Variants in SZT2 observed in about 807,000 individuals in gnomAD.
SZT2 encodes SZT2 subunit of KICSTOR complex.
SZT2 carries 216 observed loss-of-function variants against 404.2 expected under a neutral mutation model. The ratio of observed to expected loss-of-function variants is 0.53; its 90% confidence interval spans 0.48 to 0.60. The LOEUF is 0.60. Among genes scored for constraint, SZT2 ranks in the 20% least tolerant of loss-of-function variants. The probability of loss-of-function intolerance (pLI) is 0.00; values close to 1 mark genes in which losing one functional copy is unlikely to be tolerated. For missense variants in SZT2, 3,857 were observed against 4,459.2 expected, an observed-to-expected ratio of 0.86 and a Z score of 3.85; for synonymous variants, 1,693 against 1,749.9, an observed-to-expected ratio of 0.97 and a Z score of 0.81.
At position 43,442,221 on chromosome 1, in the gene SZT2, G is replaced by A. The variant is rs770240266; in HGVS notation, c.7874-47G>A. On this transcript the variant is annotated intron_variant, in intron 56 of 71. Coordinates refer to ENST00000634258, the MANE Select transcript of SZT2 (RefSeq NM_001365999.1). The surrounding 1 kb of genome is among the most constrained non-coding windows in gnomAD (Gnocchi z 4.5). ...TTGCAGAGGGGAGGGTGGGATCAAG[G>A]GGGATCTGTTCCCAGGCCCCTATTG... 7.5e-6 allele frequency: 12 copies of A among 1,602,926 alleles called. No individual in the cohort carries two copies. The highest frequency in any genetic ancestry group is 8.5e-7 in the Non-Finnish European group (1 of 1,174,072).
In SZT2 at chr1:43,427,086, C is replaced by G; in HGVS notation, c.3340C>G (p.Leu1114Val). The G allele has an allele frequency of 6.2e-7, 1 of 1,613,928 alleles. No individual in the cohort carries two copies. The highest frequency in any genetic ancestry group is 8.5e-7 in the Non-Finnish European group (1 of 1,179,972). The change falls in exon 24 of 72, where the codon CTC (leucine) becomes GTC (valine). Residue 1114 changes from leucine to valine, a missense_variant. Transcript: ENST00000634258. ...AGGTCTTCCTGAAACTCTCAAGCCT[C>G]TCATCTCTGCCCAGCCCCCTCAGTG... ...SVGLPETLKP[L>V]ISAQPPQWRC... is the part of the protein sequence containing the mutation.
chr1:43,452,410 T>C lies in SZT2; in HGVS notation c.*1930T>C, dbSNP rs756831144. The C allele has an allele frequency of 9.1e-6, 9 of 992,824 alleles. No individual in the cohort carries two copies. The highest frequency in any genetic ancestry group is 4.8e-5 in the African/African-American group (3 of 62,088). The allele number at this position is 992,824 out of a possible 1,614,324, so 61.5% of individuals were successfully genotyped here. On this transcript the variant is annotated 3_prime_UTR_variant, in exon 72 of 72. Transcript: ENST00000634258. ...CTGACTGTGCCAGCCCTCGTCCGTC[T>C]CCCCAGGTCTCCAGTCCATGGCACC...
At chr1:43,403,036 G>T in intron 1 of SZT2, 141 bp from the exon 2 acceptor site, 1 of 854,050 alleles carries the variant, frequency 1.2e-6, no homozygotes, top group South Asian at 1.7e-5. Flanking sequence ...TTGCATGGAG[G>T]TTGGGGTAAA....
intron 4 of SZT2, chr1:43,410,313 G>T (rs1650854353): frequency 6.6e-6 from 1 of 152,060 alleles, no homozygotes; most frequent in Non-Finnish European, 1.5e-5. Context: ...AACACTTTGG[G>T]AGGCCAAGGC....
intron 7 of SZT2, among the ~76,000 whole-genome samples, chr1:43,417,810 AATT>A (rs1283656717): frequency 6.6e-6 from 1 of 152,178 alleles, no homozygotes; most frequent in African/African-American, 2.4e-5. Context: ...TACAGATGGT[AATT>A]GAGAACAGAA....
intron 64 of SZT2, 24 bp from the exon 65 acceptor site, chr1:43,446,318 A>C: frequency 1.2e-6 from 2 of 1,614,172 alleles, no homozygotes; most frequent in Non-Finnish European, 1.7e-6. Context: ...CGCCTTCCTG[A>C]TCTCATCTTC....
intron 1 of SZT2, among the ~76,000 whole-genome samples, chr1:43,400,585 G>C (rs1649559695): frequency 6.6e-6 from 1 of 152,108 alleles, no homozygotes; most frequent in African/African-American, 2.4e-5. Flanking sequence ...TAAAAAACTT[G>C]TATAGGGCAG....
At chr1:43,409,132 C>T (rs1445704551) in intron 4 of SZT2, among the ~76,000 whole-genome samples, 2 of 152,110 alleles carry the variant, frequency 1.3e-5, no homozygotes, top group Admixed American at 1.3e-4. Flanking sequence ...AGATTAGCTA[C>T]AGGGAAAAAG....
chr1:43,447,843 GCA>G lies in SZT2; in HGVS notation c.9441-3_9441-2del, dbSNP rs780940687. The G allele has an allele frequency of 1.9e-6, 3 of 1,613,984 alleles. No homozygotes were observed. Among genetic ancestry groups the G allele is most frequent in the East Asian group, 2.2e-5 (1 of 44,882 alleles). ...AGTTGACATCTCCCCAACCCGTCCT[GCA>G]CAGTTCTGGCTCCTACCTGGACTCT... On this transcript the variant is annotated splice_region_variant and splice_polypyrimidine_tract_variant and intron_variant, in intron 67 of 71. Transcript: ENST00000634258.
chr1:43,446,615 A>G (rs1415499125), intron 65 of SZT2, 199 bp downstream of exon 65: 2 of 678,796 alleles, frequency 2.9e-6, no homozygotes, highest in Non-Finnish European at 5.0e-6. Context: ...CCCATCGGTC[A>G]TCCAAAGCGT....
In SZT2 at chr1:43,452,895, CTACA is replaced by C. The variant is rs1656594292; in HGVS notation, c.*2421_*2424del. On this transcript the variant is annotated 3_prime_UTR_variant, in exon 72 of 72. Coordinates refer to ENST00000634258, the MANE Select transcript of SZT2 (RefSeq NM_001365999.1). The stretch of plus-strand genomic sequence containing the variant: ...TTCCAGGCCTCCCCATCCCAACAGG[CTACA>C]TACATGTCCAGCCTCAGGAACGCTG... The C allele has an allele frequency of 6.3e-7, 1 of 1,594,740 alleles. No individual in the cohort carries two copies. The highest frequency in any genetic ancestry group is 1.3e-5 in the African/African-American group (1 of 74,506).
Position 43,442,455 on chromosome 1 carries a change from C to T in SZT2, c.7988C>T (p.Thr2663Ile). The T allele has an allele frequency of 6.2e-7, 1 of 1,613,406 alleles. No homozygotes were observed. The highest frequency in any genetic ancestry group is 8.5e-7 in the Non-Finnish European group (1 of 1,179,498). ...EVVDKKLQLL[T>I]YNWAPDLGAA... ...CCCGACCTCCAGCTACAGCTGCTGA[C>T]CTACAACTGGGCTCCAGACCTGGGG... Residue 2663 changes from threonine (T) to isoleucine (I), a missense_variant, in exon 58 of 72, where the codon ACC (threonine) becomes ATC (isoleucine). By Grantham distance (89) the Thr-to-Ile change is moderately conservative (BLOSUM62 -1). Coordinates refer to ENST00000634258, the MANE Select transcript of SZT2 (RefSeq NM_001365999.1). This position sits in a 1 kb window ranked among gnomAD's most constrained non-coding sequence, Gnocchi z 4.5.
In SZT2 at chr1:43,427,411, C is replaced by T. The variant is rs771617940; in HGVS notation, c.3564C>T (p.Ser1188=). Residue 1188 remains serine, a synonymous_variant, in exon 25 of 72, where the codon TCC becomes TCT. Transcript: ENST00000634258. ...GAACTGGGATCAAAGCTACAAAGTC[C>T]CACGTCCCTGTCCTCAGTGTGACCC... ...LGGTGIKATK[S]HVPVLSVTLA... 2.5e-6 allele frequency: 4 copies of T among 1,613,656 alleles called. No individual in the cohort carries two copies. Among genetic ancestry groups the T allele is most frequent in the Non-Finnish European group, 3.4e-6 (4 of 1,179,730 alleles).
chr1:43,411,911 TG>T (rs1196761055), intron 4 of SZT2: 1 of 151,200 alleles, frequency 6.6e-6, no homozygotes, highest in Non-Finnish European at 1.5e-5. Context: ...CCCGAGTAGC[TG>T]GGATTACAGG....
chr1:43,435,214 A>G lies in SZT2; in HGVS notation c.5919A>G (p.Gln1973=), dbSNP rs751277534. 10 of 1,614,068 alleles carry G rather than the reference A, an allele frequency of 6.2e-6. No homozygotes were observed. Among genetic ancestry groups the G allele is most frequent in the African/African-American group, 2.7e-5 (2 of 74,920 alleles). The change falls in exon 42 of 72, where the codon CAA becomes CAG. Residue 1973 remains glutamine, a synonymous_variant. Coordinates refer to ENST00000634258, the MANE Select transcript of SZT2 (RefSeq NM_001365999.1). The part of the protein sequence containing the change: ...CREVNQRLLL[Q]DLHDSHVCNS... Reference sequence around the variant, plus strand: ...CCTTCTCCCAGCGACTGCTTCTTCAAGACCTTCATGACAGCCACGTGTGTA... The same window carrying G: ...CCTTCTCCCAGCGACTGCTTCTTCAGGACCTTCATGACAGCCACGTGTGTA...
Position 43,440,480 on chromosome 1 carries a change from C to G in SZT2, c.7238C>G (p.Thr2413Ser), listed in dbSNP as rs762235124. ...AGTCTCAGGAACGGATCGTTGGAAA[C>G]TAAGAGCTCTGCAGGCCGAGCTAGC... Reference protein sequence around the residue: ...TGSLRNGSLETKSSAGRASTF... With the variant: ...TGSLRNGSLESKSSAGRASTF... Residue 2413 changes from threonine (T) to serine (S), a missense_variant, in exon 52 of 72, where the codon ACT (threonine) becomes AGT (serine). Around this residue, in one of 7 missense-constraint regions of SZT2, gnomAD observed 573 missense variants for 592.4 expected, o/e 0.97. Coordinates refer to ENST00000634258, the MANE Select transcript of SZT2 (RefSeq NM_001365999.1). 6.9e-6 allele frequency: 11 copies of G among 1,603,690 alleles called. No individual in the cohort carries two copies. Among genetic ancestry groups the G allele is most frequent in the Middle Eastern group, 1.7e-4 (1 of 6,044 alleles).
rs1650071127 is a variant in SZT2, at chr1:43,404,566, T to TC, written c.498+18dup. 6.2e-7 allele frequency: 1 copy of TC among 1,607,148 alleles called. No individual in the cohort carries two copies. The highest frequency in any genetic ancestry group is 8.5e-7 in the Non-Finnish European group (1 of 1,175,612). On this transcript the variant is annotated intron_variant, in intron 4 of 71. Coordinates refer to ENST00000634258, the MANE Select transcript of SZT2 (RefSeq NM_001365999.1). ...GTCCCACCAGGTATTGCATCATCTC[T>TC]CCAAGTTTGTACCCTCAGACCAAAT...
At chr1:43,446,512 T>A in intron 65 of SZT2, 96 bp downstream of exon 65, 1 of 1,470,714 alleles carries the variant, frequency 6.8e-7, no homozygotes, top group Non-Finnish European at 9.4e-7. Context: ...AGTAATGCAG[T>A]AGGCGGGCTG....
At chr1:43,432,649 C>T (rs1318662644) in intron 38 of SZT2, 45 bp downstream of exon 38, 1 of 1,612,976 alleles carries the variant, frequency 6.2e-7, no homozygotes, top group East Asian at 2.2e-5. Context: ...GGACCAGATC[C>T]CTGACCATGC....
Sources: gnomAD v4.1 joint callset for allele counts (sites outside exome capture counted in the v4.1 genomes callset) on GRCh38, gnomAD v4.1.1 for gene constraint, gnomAD v4.1.1 regional missense constraint, Gnocchi (gnomAD v3.1) non-coding constraint, MANE v1.5 for transcripts, NCBI Gene and HGNC (gene_info 2026-07-23, HGNC 2026-07-21) for gene names.